Variants in PDE7B observed in about 807,000 individuals in gnomAD.
PDE7B encodes phosphodiesterase 7B.
Under a neutral mutation model 56.2 loss-of-function variants are expected in PDE7B, and 29 were observed. The observed-to-expected ratio is 0.52, with a 90% CI of 0.38 to 0.70. The LOEUF is 0.70. Ranked by LOEUF, PDE7B falls within the 30% of genes least tolerant of loss-of-function variation. PDE7B has a pLI of 0.00. For missense variants in PDE7B, 490 were observed against 565.0 expected (o/e 0.87, Z 1.35); for synonymous variants, 197 against 196.9 (o/e 1.00, Z 0.00).
At chr6:136,163,066 CA>C (rs1778735726) in intron 8 of PDE7B, among the ~76,000 whole-genome samples, 1 of 152,308 alleles carries the variant, frequency 6.6e-6, no homozygotes, top group African/African-American at 2.4e-5. Context: ...GTCTGGAAGA[CA>C]GTGGCCCTCT....
At chr6:135,948,843 C>CTAGATAGA (rs35143164) in intron 2 of PDE7B, among the ~76,000 whole-genome samples, 9 of 132,462 alleles carry the variant, frequency 6.8e-5, no homozygotes, top group East Asian at 2.3e-4. Flanking sequence ...ATTTCAGGTA[C>CTAGATAGA]TAGATAGATA....
At chr6:135,974,564 G>A (rs1464277520) in intron 2 of PDE7B, among the ~76,000 whole-genome samples, 1 of 152,142 alleles carries the variant, frequency 6.6e-6, no homozygotes, top group Non-Finnish European at 1.5e-5. Context: ...GGCTCAAACA[G>A]AAAAAACTTG....
intron 11 of PDE7B, among the ~76,000 whole-genome samples, chr6:136,181,612 TAAG>T (rs1463440012): frequency 6.6e-6 from 1 of 152,222 alleles, no homozygotes; most frequent in East Asian, 1.9e-4. Context: ...TCTGTGGATA[TAAG>T]AATGTGTGGG....
intron 1 of PDE7B, among the ~76,000 whole-genome samples, chr6:135,917,604 GTT>G (rs767072451): frequency 1.4e-5 from 2 of 144,492 alleles, no homozygotes; most frequent in Admixed American, 6.9e-5. Context: ...ATTTGTTGTT[GTT>G]TTTTTTTTAT....
chr6:135,853,426 T>C (rs1424241459), intron 1 of PDE7B, among the ~76,000 whole-genome samples: 2 of 152,244 alleles, frequency 1.3e-5, no homozygotes, highest in Non-Finnish European at 2.9e-5. Context: ...ACTTTGTGTG[T>C]TGCAAACGCA....
chr6:136,131,443 C>T (rs1488056200), intron 3 of PDE7B, among the ~76,000 whole-genome samples: 4 of 150,552 alleles, frequency 2.7e-5, no homozygotes, highest in Admixed American at 6.6e-5. Context: ...TAAGGCTTGG[C>T]TCCAAAGGGT....
At chr6:135,966,301 TTC>T (rs1774996938) in intron 2 of PDE7B, among the ~76,000 whole-genome samples, 1 of 152,218 alleles carries the variant, frequency 6.6e-6, no homozygotes, top group Non-Finnish European at 1.5e-5. Flanking sequence ...GCTTCTGTTT[TTC>T]TCTCTTTGAC....
intron 1 of PDE7B, among the ~76,000 whole-genome samples, chr6:135,855,010 G>T (rs1343968423): frequency 6.6e-6 from 1 of 152,114 alleles, no homozygotes; most frequent in African/African-American, 2.4e-5. Flanking sequence ...GTGATTTCAT[G>T]AAGTGCACTA....
chr6:135,880,553 CTG>C (rs1198126073), intron 1 of PDE7B, among the ~76,000 whole-genome samples: 1 of 152,178 alleles, frequency 6.6e-6, no homozygotes, highest in East Asian at 1.9e-4. Flanking sequence ...AGTAGAAAAA[CTG>C]AAAGTAAAAC....
intron 1 of PDE7B, among the ~76,000 whole-genome samples, chr6:135,937,938 C>T (rs576687917): frequency 8.5e-5 from 13 of 152,292 alleles, no homozygotes; most frequent in Middle Eastern, 6.8e-3. Context: ...TTCTTCCTTC[C>T]GCAAAACCAG....
intron 2 of PDE7B, among the ~76,000 whole-genome samples, chr6:136,067,365 C>T (rs914893701): frequency 2.0e-5 from 3 of 152,186 alleles, no homozygotes; most frequent in African/African-American, 7.2e-5. Flanking sequence ...TGTTTCTCAG[C>T]CCTAATCATC....
chr6:135,888,451 C>CAT (rs373221069), intron 1 of PDE7B, among the ~76,000 whole-genome samples: 7,446 of 151,142 alleles, frequency 0.049, 322 homozygotes, highest in African/African-American at 0.12. Context: ...GAAATACACA[C>CAT]GTGTGTGTGT....
intron 1 of PDE7B, among the ~76,000 whole-genome samples, chr6:135,871,157 A>ATCAC (rs1382405642): frequency 1.3e-4 from 20 of 152,322 alleles, no homozygotes; most frequent in African/African-American, 4.8e-4. Flanking sequence ...TTTTAGTGCA[A>ATCAC]TCACAGTTAT....
chr6:135,955,962 T>C (rs897156081), intron 2 of PDE7B, among the ~76,000 whole-genome samples: 1 of 152,174 alleles, frequency 6.6e-6, no homozygotes, highest in African/African-American at 2.4e-5. Flanking sequence ...AACTTTCCAC[T>C]GCAGCACAGC....
At chr6:136,173,670 G>A (rs1778930051) in intron 8 of PDE7B, 127 bp from the exon 9 acceptor site, 1 of 645,532 alleles carries the variant, frequency 1.5e-6, no homozygotes, top group Admixed American at 2.7e-5. Flanking sequence ...TTTTTTTCCT[G>A]GTCTGCCTCT....
At chr6:136,005,585 C>A (rs1243996373) in intron 2 of PDE7B, among the ~76,000 whole-genome samples, 1 of 152,160 alleles carries the variant, frequency 6.6e-6, no homozygotes. Flanking sequence ...ATTTGTGCAG[C>A]CAAAAAACAC....
At chr6:135,889,750 ATTTTTTT>A (rs35311247) in intron 1 of PDE7B, among the ~76,000 whole-genome samples, 2 of 74,862 alleles carry the variant, frequency 2.7e-5, no homozygotes, top group Non-Finnish European at 4.7e-5. Context: ...CGGTGCTACC[ATTTTTTT>A]TTTTTTTTTT....
intron 2 of PDE7B, among the ~76,000 whole-genome samples, chr6:136,042,917 C>G (rs1247648227): frequency 1.3e-5 from 2 of 152,182 alleles, no homozygotes; most frequent in African/African-American, 4.8e-5. Flanking sequence ...ATTTATGAAT[C>G]AGAGCTCTGT....
In PDE7B at chr6:136,185,248, A is replaced by T. The variant is rs971242732; in HGVS notation, c.1046-1788A>T. ...ACCCCAGGAGGCAGACTACAGTCTT[A>T]AAATGACAGAACTGCAGCCTCTGTA... On this transcript the variant is annotated intron_variant, in intron 11 of 12. Transcript: ENST00000308191. Among the ~76,000 whole-genome samples the T allele has an allele frequency of 3.3e-5, 5 of 152,150 alleles. No homozygotes were observed. The South Asian group carries it at 6.2e-4, about 19-fold the overall frequency.
Sources: gnomAD v4.1 joint callset for allele counts (sites outside exome capture counted in the v4.1 genomes callset) on GRCh38, gnomAD v4.1.1 for gene constraint, MANE v1.5 for transcripts, NCBI Gene and HGNC (gene_info 2026-07-23, HGNC 2026-07-21) for gene names.